TBC1D1: variants seen among roughly 807,000 people sequenced by gnomAD.
TBC1D1 encodes the protein TBC1 domain family member 1, also known as TBC1 (tre-2/USP6, BUB2, cdc16) domain family, member 1.
A neutral mutation model predicts 125.6 loss-of-function variants in TBC1D1; 89 were observed. The observed-to-expected ratio is 0.71, with a 90% CI of 0.60 to 0.85. TBC1D1 has a LOEUF of 0.85. Ranked by LOEUF, TBC1D1 falls within the 40% of genes least tolerant of loss-of-function variation. The pLI is 0.00. For synonymous variants in TBC1D1, 565 were observed against 564.1 expected, an observed-to-expected ratio of 1.00 and a Z score of -0.02; for missense variants, 1,377 against 1,469.2, an observed-to-expected ratio of 0.94 and a Z score of 1.03.
intron 2 of TBC1D1, among the ~76,000 whole-genome samples, chr4:37,922,405 A>G (rs1203686546): frequency 1.3e-5 from 2 of 152,162 alleles, no homozygotes; most frequent in African/African-American, 2.4e-5. Flanking sequence ...AACTCTAACT[A>G]CAAGGTGGAG....
chr4:37,976,001 C>T (rs1361104090), intron 2 of TBC1D1, among the ~76,000 whole-genome samples: 1 of 152,118 alleles, frequency 6.6e-6, no homozygotes, highest in Non-Finnish European at 1.5e-5. Flanking sequence ...ATTATCTCCT[C>T]CCCTTAAGTG....
intron 2 of TBC1D1, among the ~76,000 whole-genome samples, chr4:37,966,037 G>A (rs1481899734): frequency 6.6e-6 from 1 of 152,130 alleles, no homozygotes; most frequent in East Asian, 1.9e-4. Flanking sequence ...GTGAGCCATC[G>A]CCCCTGGCCA....
chr4:38,027,738 C>CA, intron 6 of TBC1D1, 50 bp from the exon 7 acceptor site: 1 of 1,334,880 alleles, frequency 7.5e-7, no homozygotes, highest in South Asian at 1.2e-5. Flanking sequence ...CTCCCTATCT[C>CA]ACAACTTTTA....
intron 2 of TBC1D1, among the ~76,000 whole-genome samples, chr4:37,975,864 C>T: frequency 6.6e-6 from 1 of 152,104 alleles, no homozygotes; most frequent in Non-Finnish European, 1.5e-5. Flanking sequence ...TCTAGTATAA[C>T]TATTCTTATT....
In TBC1D1 at chr4:37,959,805, T is replaced by C. The variant is rs576440155; in HGVS notation, c.418-54704T>C. 9.1e-4 allele frequency among the ~76,000 whole-genome samples: 138 copies of C among 152,178 alleles called. 1 individual carries two copies. The highest frequency in any genetic ancestry group is 4.6e-4 in the Admixed American group (7 of 15,274). ...ATATAGTCATTGCCATAGTCCAGTA[T>C]TCCTGCCCAAGCAAGCACCATTAGT... On this transcript the variant is annotated intron_variant, in intron 2 of 19. Transcript: ENST00000261439.
intron 14 of TBC1D1, among the ~76,000 whole-genome samples, chr4:38,097,631 C>T (rs576559328): frequency 1.3e-5 from 2 of 151,606 alleles, no homozygotes; most frequent in South Asian, 2.1e-4. Flanking sequence ...TGTGAGCCAC[C>T]GTGCCCGGCC....
In TBC1D1 at chr4:38,111,371, T is replaced by C. The variant is rs114849171; in HGVS notation, c.2558-4339T>C. Among the ~76,000 whole-genome samples the C allele has an allele frequency of 1.2e-3, 182 of 152,340 alleles. 1 individual carries two copies. Among genetic ancestry groups the C allele is most frequent in the African/African-American group, 4.1e-3 (172 of 41,570 alleles). ...TATCGAGTAGCCCAAAGAGCTTCTG[T>C]TTCCATGGATAATTCCTATCAATAT... On this transcript the variant is annotated intron_variant, in intron 15 of 19. Transcript: ENST00000261439.
chr4:38,022,233 A>G (rs1744198862), intron 6 of TBC1D1, among the ~76,000 whole-genome samples: 1 of 152,244 alleles, frequency 6.6e-6, no homozygotes, highest in South Asian at 2.1e-4. Flanking sequence ...CAGTATTTCT[A>G]GAAACCTGGC....
At chr4:38,091,137 T>C (rs1214777185) in intron 13 of TBC1D1, among the ~76,000 whole-genome samples, 1 of 152,212 alleles carries the variant, frequency 6.6e-6, no homozygotes, top group African/African-American at 2.4e-5. Flanking sequence ...GTTTCTGCAG[T>C]TGAAAAGTAC....
At chr4:38,109,281 C>T (rs567880251) in intron 15 of TBC1D1, among the ~76,000 whole-genome samples, 46 of 152,218 alleles carry the variant, frequency 3.0e-4, no homozygotes, top group Middle Eastern at 3.4e-3. Context: ...GAAGAGTGAG[C>T]CATTGTCTCT....
chr4:38,031,646 T>C (rs1013003923), intron 7 of TBC1D1, among the ~76,000 whole-genome samples: 1 of 152,166 alleles, frequency 6.6e-6, no homozygotes, highest in Non-Finnish European at 1.5e-5. Context: ...AGAAAGGGGC[T>C]CACTCTGTTA....
At chr4:37,891,482 G>GT (rs1713231884) in intron 1 of TBC1D1, 134 bp downstream of exon 1, 2 of 151,934 alleles carry the variant, frequency 1.3e-5, no homozygotes, top group Middle Eastern at 3.4e-3. Flanking sequence ...CCACGGACGC[G>GT]AGGCCAGGGT....
At chr4:37,990,480 A>G (rs986037306) in intron 2 of TBC1D1, among the ~76,000 whole-genome samples, 1 of 152,234 alleles carries the variant, frequency 6.6e-6, no homozygotes, top group Non-Finnish European at 1.5e-5. Flanking sequence ...AAGCCCGCTT[A>G]TGAGTAAGGA....
intron 2 of TBC1D1, among the ~76,000 whole-genome samples, chr4:37,990,212 T>C (rs1347989682): frequency 6.6e-6 from 1 of 152,216 alleles, no homozygotes; most frequent in African/African-American, 2.4e-5. Context: ...TTTCCAAGTT[T>C]AAAATGTTAG....
intron 2 of TBC1D1, among the ~76,000 whole-genome samples, chr4:37,982,743 A>T (rs1734592331): frequency 6.6e-6 from 1 of 152,218 alleles, no homozygotes; most frequent in African/African-American, 2.4e-5. Flanking sequence ...TTGTTTCCTT[A>T]GACAAATTCT....
chr4:37,960,270 C>T (rs1366126758), intron 2 of TBC1D1, among the ~76,000 whole-genome samples: 1 of 152,238 alleles, frequency 6.6e-6, no homozygotes, highest in Non-Finnish European at 1.5e-5. Flanking sequence ...TGTCTGACCT[C>T]AGGCCTGTGC....
At chr4:38,032,653 T>G (rs1746388177) in intron 7 of TBC1D1, among the ~76,000 whole-genome samples, 1 of 152,012 alleles carries the variant, frequency 6.6e-6, no homozygotes, top group Non-Finnish European at 1.5e-5. Context: ...GCTAACACGG[T>G]GAAACCCTGT....
At chr4:38,032,057 G>A (rs956240120) in intron 7 of TBC1D1, among the ~76,000 whole-genome samples, 1 of 152,224 alleles carries the variant, frequency 6.6e-6, no homozygotes, top group Non-Finnish European at 1.5e-5. Context: ...GGTGGCTCAT[G>A]CCTGTAATTC....
intron 15 of TBC1D1, chr4:38,110,228 G>A: frequency 1.0e-6 from 1 of 985,384 alleles, no homozygotes; most frequent in Non-Finnish European, 1.2e-6. Flanking sequence ...AGATGGGATG[G>A]GGTTTCTCAC....
Sources: allele counts gnomAD v4.1 joint callset (sites outside exome capture counted in the v4.1 genomes callset), GRCh38; gene constraint gnomAD v4.1.1; transcripts MANE v1.5; gene names NCBI Gene and HGNC (gene_info 2026-07-23, HGNC 2026-07-21).